Variants in PXK observed in about 807,000 individuals in gnomAD.
PXK encodes the protein PX domain-containing protein kinase-like protein.
PXK carries 35 observed loss-of-function variants against 84.7 expected under a neutral mutation model. That is an observed-to-expected ratio of 0.41 (90% CI 0.32 to 0.55). PXK has a LOEUF of 0.55. Ranked by LOEUF, PXK falls within the 20% of genes least tolerant of loss-of-function variation. The pLI is 0.21. For synonymous variants in PXK, 253 were observed against 260.8 expected (o/e 0.97, Z 0.29); for missense variants, 634 against 699.7 (o/e 0.91, Z 1.06).
At chr3:58,423,551 G>A (rs1425537586) in intron 17 of PXK, 1 of 1,530,836 alleles carries the variant, frequency 6.5e-7, no homozygotes. Flanking sequence ...TGGTGAAAAG[G>A]ATGTACTTAC....
chr3:58,412,869 C>T lies in PXK; in HGVS notation c.1466-32C>T, dbSNP rs1476715746. ...CAAATTCCAAATGTCTTTCGTTGGTCCCCATGAGGGTTTCTCTGTGTTTTA... is the reference window on the plus strand; with the variant it reads ...CAAATTCCAAATGTCTTTCGTTGGTTCCCATGAGGGTTTCTCTGTGTTTTA... On this transcript the variant is annotated intron_variant, in intron 16 of 17. Transcript: ENST00000356151. This position sits in a 1 kb window ranked among gnomAD's most constrained non-coding sequence, Gnocchi z 6.2. 1 of 1,611,744 alleles carries T rather than the reference C, an allele frequency of 6.2e-7. No individual in the cohort carries two copies. Among genetic ancestry groups the T allele is most frequent in the Non-Finnish European group, 8.5e-7 (1 of 1,177,860 alleles).
chr3:58,344,151 C>A (rs1423616791), intron 1 of PXK, among the ~76,000 whole-genome samples: 2 of 152,200 alleles, frequency 1.3e-5, no homozygotes, highest in East Asian at 3.8e-4. Context: ...GTTAGGACTG[C>A]TGTAAGGATT....
chr3:58,341,059 GT>G (rs2097721248), intron 1 of PXK, among the ~76,000 whole-genome samples: 1 of 151,406 alleles, frequency 6.6e-6, no homozygotes, highest in Non-Finnish European at 1.5e-5. Flanking sequence ...GGAAGTTAAA[GT>G]TGACTCCTCT....
rs2060360928 is a variant in PXK at position 58,412,577 on chromosome 3, A to G, written c.1466-324A>G. 6.6e-6 allele frequency among the ~76,000 whole-genome samples: 1 copy of G among 152,088 alleles called. No individual in the cohort carries two copies. The highest frequency in any genetic ancestry group is 6.6e-5 in the Admixed American group (1 of 15,256). ...TGGCTTCTGTCATTTGTCATTACCC[A>G]GGAGTGGAGGTTGCGTCAGGAAGAG... On this transcript the variant is annotated intron_variant, in intron 16 of 17. Transcript: ENST00000356151. The surrounding 1 kb of genome is among the most constrained non-coding windows in gnomAD (Gnocchi z 6.2).
intron 1 of PXK, 35 bp from the exon 2 acceptor site, chr3:58,365,839 T>A (rs2098261782): frequency 6.8e-7 from 1 of 1,478,632 alleles, no homozygotes; most frequent in Admixed American, 2.4e-5. Flanking sequence ...AACTCAGTTT[T>A]ATAACTGAGG....
chr3:58,335,617 A>G (rs2097578873), intron 1 of PXK, among the ~76,000 whole-genome samples: 1 of 139,518 alleles, frequency 7.2e-6, no homozygotes, highest in Admixed American at 6.8e-5. Flanking sequence ...TCAGAGCTCT[A>G]CTCTCGCTTT....
intron 1 of PXK, among the ~76,000 whole-genome samples, chr3:58,357,624 A>G (rs953798476): frequency 7.9e-5 from 12 of 152,256 alleles, no homozygotes; most frequent in African/African-American, 2.4e-4. Context: ...ACTAGGCAAT[A>G]GAAATGTTTT....
chr3:58,396,766 CAG>C (rs1016949140), intron 9 of PXK, among the ~76,000 whole-genome samples: 3 of 152,196 alleles, frequency 2.0e-5, no homozygotes, highest in Non-Finnish European at 2.9e-5. Context: ...CTTTTGGCAT[CAG>C]AGTTATTAAT....
At chr3:58,341,906 G>A (rs2097739722) in intron 1 of PXK, among the ~76,000 whole-genome samples, 1 of 151,978 alleles carries the variant, frequency 6.6e-6, no homozygotes, top group South Asian at 2.1e-4. Context: ...GTTTCACCAT[G>A]TTGGCCAGGC....
At chr3:58,415,249 C>G (rs968388928) in intron 17 of PXK, among the ~76,000 whole-genome samples, 1 of 152,128 alleles carries the variant, frequency 6.6e-6, no homozygotes, top group African/African-American at 2.4e-5. Flanking sequence ...CACTATCTAC[C>G]TGGAGATAGC....
Position 58,383,620 on chromosome 3 carries a change from A to G in PXK, c.388+920A>G, listed in dbSNP as rs2098525639. ...CTGTGGTTGAAAGGGCTTCTCTTCC[A>G]GTACCGATTACACTCAAAGCTGGCA... On this transcript the variant is annotated intron_variant, in intron 4 of 17. Transcript: ENST00000356151. This position sits in a 1 kb window ranked among gnomAD's most constrained non-coding sequence, Gnocchi z 4.0. Among the ~76,000 whole-genome samples the G allele has an allele frequency of 6.6e-6, 1 of 152,202 alleles. No individual in the cohort carries two copies. Among genetic ancestry groups the G allele is most frequent in the African/African-American group, 2.4e-5 (1 of 41,442 alleles).
intron 1 of PXK, among the ~76,000 whole-genome samples, chr3:58,350,900 A>G (rs1201215211): frequency 6.6e-6 from 1 of 152,198 alleles, no homozygotes; most frequent in Non-Finnish European, 1.5e-5. Context: ...ATTTATATGT[A>G]CGTTATCCTA....
Position 58,400,653 on chromosome 3 carries a change from A to G in PXK, c.1181+1276A>G, listed in dbSNP as rs933482364. Reference sequence around the variant, plus strand: ...GTGGGCCGGGCAGTGGCTCATGCCTATAATCCCAGCACTTTGGGAGGCTGA... The same window carrying G: ...GTGGGCCGGGCAGTGGCTCATGCCTGTAATCCCAGCACTTTGGGAGGCTGA... On this transcript the variant is annotated intron_variant, in intron 12 of 17. Transcript: ENST00000356151. The surrounding 1 kb of genome is among the most constrained non-coding windows in gnomAD (Gnocchi z 4.0). Among the ~76,000 whole-genome samples, 7 of 152,254 alleles carry G rather than the reference A, an allele frequency of 4.6e-5. No individual in the cohort carries two copies. Among genetic ancestry groups the G allele is most frequent in the African/African-American group, 1.7e-4 (7 of 41,566 alleles).
intron 9 of PXK, 83 bp from the exon 10 acceptor site, chr3:58,396,956 A>G (rs776463574): frequency 6.7e-5 from 95 of 1,422,928 alleles, no homozygotes; most frequent in Non-Finnish European, 8.9e-5. Context: ...GTTTCAAAAT[A>G]TATTGACTAA....
intron 3 of PXK, among the ~76,000 whole-genome samples, chr3:58,378,192 A>T (rs2098459866): frequency 6.6e-6 from 1 of 152,194 alleles, no homozygotes; most frequent in African/African-American, 2.4e-5. Flanking sequence ...AACTCCCAGA[A>T]TTCTGGCAGT....
chr3:58,396,055 A>G (rs902838399), intron 9 of PXK, among the ~76,000 whole-genome samples: 4 of 152,158 alleles, frequency 2.6e-5, no homozygotes, highest in Admixed American at 1.3e-4. Flanking sequence ...CCCCATGCCA[A>G]GGTTTTTGAT....
At chr3:58,404,320 A>G (rs995593078) in intron 13 of PXK, among the ~76,000 whole-genome samples, 12 of 152,200 alleles carry the variant, frequency 7.9e-5, no homozygotes, top group Non-Finnish European at 1.5e-4. Flanking sequence ...ATTAGCTGTT[A>G]TCTACAGCAG....
At chr3:58,346,098 CT>C (rs1332485942) in intron 1 of PXK, among the ~76,000 whole-genome samples, 4 of 152,280 alleles carry the variant, frequency 2.6e-5, no homozygotes, top group African/African-American at 9.6e-5. Flanking sequence ...TTCCTGCCTT[CT>C]TTGTTCATTC....
chr3:58,367,596 C>A lies in PXK; in HGVS notation c.153+1672C>A, dbSNP rs184459273. Among the ~76,000 whole-genome samples, 235 of 152,160 alleles carry A rather than the reference C, an allele frequency of 1.5e-3. 1 individual carries two copies. The highest frequency in any genetic ancestry group is 5.0e-3 in the African/African-American group (207 of 41,518). On this transcript the variant is annotated intron_variant, in intron 2 of 17. Coordinates refer to ENST00000356151, the MANE Select transcript of PXK (RefSeq NM_017771.5). ...CTTTCAGAAATGAAGACCCAAAGACCCGGGGAAAACTGTCCATTTTTATGC... is the reference window on the plus strand; with the variant it reads ...CTTTCAGAAATGAAGACCCAAAGACACGGGGAAAACTGTCCATTTTTATGC...
Sources: gnomAD v4.1 joint callset for allele counts (sites outside exome capture counted in the v4.1 genomes callset) on GRCh38, gnomAD v4.1.1 for gene constraint, Gnocchi (gnomAD v3.1) non-coding constraint, MANE v1.5 for transcripts, NCBI Gene and HGNC (gene_info 2026-07-23, HGNC 2026-07-21) for gene names.